Variants in PAAF1 observed in about 807,000 individuals in gnomAD.
The protein encoded by PAAF1 is proteasomal ATPase-associated factor 1.
PAAF1 carries 46 observed loss-of-function variants against 52.8 expected under a neutral mutation model. That is an observed-to-expected ratio of 0.87 (90% CI 0.69 to 1.11). The LOEUF is 1.11. Among genes scored for constraint, PAAF1 ranks in the 50% most tolerant of loss-of-function variants. The probability of loss-of-function intolerance (pLI) is 0.00; values close to 1 mark genes in which losing one functional copy is unlikely to be tolerated. For synonymous variants in PAAF1, 178 were observed against 172.8 expected (o/e 1.03, Z -0.24); for missense variants, 424 against 477.4 (o/e 0.89, Z 1.04).
intron 9 of PAAF1, 26 bp from the exon 10 acceptor site, chr11:73,918,924 A>C: frequency 6.9e-6 from 11 of 1,588,786 alleles, no homozygotes; most frequent in Non-Finnish European, 9.5e-6. Flanking sequence ...AAAGAAAGTA[A>C]AATTTCCCCT....
intron 6 of PAAF1, 34 bp downstream of exon 6, chr11:73,900,454 A>G (rs1287064372): frequency 2.2e-5 from 34 of 1,513,966 alleles, no homozygotes; most frequent in Non-Finnish European, 2.9e-5. Flanking sequence ...AGGCTTCTCT[A>G]ATGATCCCCA....
intron 11 of PAAF1, among the ~76,000 whole-genome samples, chr11:73,926,022 C>G (rs1198921020): frequency 1.7e-5 from 2 of 120,330 alleles, no homozygotes; most frequent in African/African-American, 6.3e-5. Flanking sequence ...TTGAGACTAT[C>G]TCTATATATT....
chr11:73,926,085 A>T (rs1477788327), intron 11 of PAAF1, among the ~76,000 whole-genome samples: 1 of 151,834 alleles, frequency 6.6e-6, no homozygotes, highest in African/African-American at 2.4e-5. Flanking sequence ...AGGTAAATGC[A>T]TATAGATCTA....
chr11:73,921,878 T>A (rs984318709), intron 10 of PAAF1: 2 of 1,122,236 alleles, frequency 1.8e-6, no homozygotes, highest in African/African-American at 1.6e-5. Context: ...TCTCCAGGAA[T>A]GGGAAAGTTA....
chr11:73,877,080 C>G lies in PAAF1; in HGVS notation c.47+12C>G, dbSNP rs1224862629. 1.3e-6 allele frequency: 2 copies of G among 1,527,750 alleles called. No individual in the cohort carries two copies. The highest frequency in any genetic ancestry group is 2.8e-5 in the African/African-American group (2 of 72,196). The allele number at this position is 1,527,750 out of a possible 1,614,324, so 94.6% of individuals were successfully genotyped here. ...GCGCAAGCCCTCAGGTGAATCCAGG[C>G]CCAGAACAGAGTCAGAGGAGGCGGG... On this transcript the variant is annotated intron_variant, in intron 1 of 11. Coordinates refer to ENST00000310571, the MANE Select transcript of PAAF1 (RefSeq NM_025155.3).
At chr11:73,897,106 G>C (rs1357796375) in intron 4 of PAAF1, among the ~76,000 whole-genome samples, 2 of 143,516 alleles carry the variant, frequency 1.4e-5, no homozygotes, top group Non-Finnish European at 3.1e-5. Flanking sequence ...GGGCAGAGTG[G>C]CTCCTCACTT....
chr11:73,926,547 A>T (rs951728690), intron 11 of PAAF1, among the ~76,000 whole-genome samples: 39 of 152,116 alleles, frequency 2.6e-4, no homozygotes, highest in Admixed American at 1.3e-4. Flanking sequence ...GTCTCTACTA[A>T]CAATACAAAA....
intron 1 of PAAF1, 103 bp from the exon 2 acceptor site, chr11:73,878,676 T>C (rs945593765): frequency 4.1e-6 from 4 of 975,034 alleles, no homozygotes; most frequent in Non-Finnish European, 6.4e-6. Flanking sequence ...GTCTAAGTAC[T>C]ATGACCAAGC....
chr11:73,889,031 A>C (rs983509932), intron 3 of PAAF1: 2 of 564,686 alleles, frequency 3.5e-6, no homozygotes, highest in African/African-American at 3.8e-5. Context: ...ATTAATCTCA[A>C]ATAATCAAAG....
At chr11:73,921,895 C>T in intron 10 of PAAF1, 2 of 1,116,950 alleles carry the variant, frequency 1.8e-6, no homozygotes, top group Admixed American at 1.8e-5. Context: ...GTTAGTGATT[C>T]CCAGTGTATA....
intron 6 of PAAF1, among the ~76,000 whole-genome samples, chr11:73,904,083 C>CAA (rs931989704): frequency 1.5e-5 from 2 of 129,466 alleles, no homozygotes; most frequent in Non-Finnish European, 3.3e-5. Flanking sequence ...GACTCCGTCT[C>CAA]AAAAAAAAAA....
At chr11:73,895,452 T>C (rs1159763500) in intron 4 of PAAF1, among the ~76,000 whole-genome samples, 1 of 152,234 alleles carries the variant, frequency 6.6e-6, no homozygotes, top group African/African-American at 2.4e-5. Context: ...GATCCACTAC[T>C]AAGTTAGCAG....
intron 4 of PAAF1, among the ~76,000 whole-genome samples, chr11:73,897,237 C>T (rs1227912361): frequency 2.7e-5 from 1 of 36,824 alleles, no homozygotes; most frequent in African/African-American, 4.1e-4. Flanking sequence ...GGGGGGCTGA[C>T]CCCCCCCACC....
chr11:73,902,948 G>A (rs1189454880), intron 6 of PAAF1, among the ~76,000 whole-genome samples: 3 of 152,066 alleles, frequency 2.0e-5, no homozygotes, highest in Non-Finnish European at 4.4e-5. Flanking sequence ...ATCGCCTGCC[G>A]TGGCCTCCCA....
intron 3 of PAAF1, among the ~76,000 whole-genome samples, chr11:73,888,134 G>A (rs1378567839): frequency 6.6e-6 from 1 of 152,066 alleles, no homozygotes; most frequent in Non-Finnish European, 1.5e-5. Flanking sequence ...AATTATTAGA[G>A]ATATTTTACA....
chr11:73,904,601 C>T (rs1010127329), intron 6 of PAAF1, among the ~76,000 whole-genome samples: 5 of 152,018 alleles, frequency 3.3e-5, no homozygotes, highest in East Asian at 1.9e-4. Flanking sequence ...TTGGCTATGC[C>T]GCCTCCAAGT....
Position 73,878,818 on chromosome 11 carries a change from A to C in PAAF1, c.87A>C (p.Pro29=). ...AGGCCTGGCTGAGCTGTCATCCCCC[A>C]GGTAATACCCATGAATTATATATGC... is the stretch of plus-strand genomic sequence containing the variant. ...EGEAWLSCHP[P]GKPSLYGSLT... The change falls in exon 2 of 12, where the codon CCA becomes CCC. Residue 29 remains proline (P), a splice_region_variant and synonymous_variant. Transcript: ENST00000310571. 1 of 1,613,586 alleles carries C rather than the reference A, an allele frequency of 6.2e-7. No homozygotes were observed. Among genetic ancestry groups the C allele is most frequent in the Non-Finnish European group, 8.5e-7 (1 of 1,179,612 alleles).
rs555555939 is a variant in PAAF1 at position 73,878,270 on chromosome 11, C to T, written c.48-509C>T. 3.3e-5 allele frequency among the ~76,000 whole-genome samples: 5 copies of T among 152,308 alleles called. No individual in the cohort carries two copies. The East Asian group carries it at 9.7e-4, about 29-fold the overall frequency. On this transcript the variant is annotated intron_variant, in intron 1 of 11. Coordinates refer to ENST00000310571, the MANE Select transcript of PAAF1 (RefSeq NM_025155.3). ...AAGGCTTAATTTGCCCAAGATCATGCATCTCGTCAAATGATAGAGGGTTGC... is the reference window on the plus strand; with the variant it reads ...AAGGCTTAATTTGCCCAAGATCATGTATCTCGTCAAATGATAGAGGGTTGC...
rs963295836 is a variant in PAAF1 at position 73,928,805 on chromosome 11, T to A, written c.*1443T>A. Reference sequence around the variant, plus strand: ...ATCTTGGCTCACTGCAACCTCCACCTCTCAGGTTCAAACGATTCTCCTGCC... The same window carrying A: ...ATCTTGGCTCACTGCAACCTCCACCACTCAGGTTCAAACGATTCTCCTGCC... On this transcript the variant is annotated 3_prime_UTR_variant, in exon 12 of 12. Coordinates refer to ENST00000310571, the MANE Select transcript of PAAF1 (RefSeq NM_025155.3). The A allele has an allele frequency of 6.6e-6, 1 of 152,228 alleles. No homozygotes were observed. The highest frequency in any genetic ancestry group is 1.5e-5 in the Non-Finnish European group (1 of 68,062). 9.4% of individuals were successfully genotyped at this position (152,228 alleles called of 1,614,324 possible). A position where few individuals can be genotyped will look rare whatever the true frequency, so the allele number is the denominator to read the frequency against.
Sources: gnomAD v4.1 joint callset for allele counts (sites outside exome capture counted in the v4.1 genomes callset) on GRCh38, gnomAD v4.1.1 for gene constraint, MANE v1.5 for transcripts, NCBI Gene and HGNC (gene_info 2026-07-23, HGNC 2026-07-21) for gene names.